MECOM: variants seen among roughly 807,000 people sequenced by gnomAD.
MECOM encodes the protein histone-lysine N-methyltransferase MECOM.
Under a neutral mutation model 116.3 loss-of-function variants are expected in MECOM, and 13 were observed. That is an observed-to-expected ratio of 0.11 (90% CI 0.07 to 0.18). The LOEUF is 0.18. Ranked by LOEUF, MECOM falls within the 10% of genes least tolerant of loss-of-function variation. The probability of loss-of-function intolerance (pLI) is 1.00; values close to 1 mark genes in which losing one functional copy is unlikely to be tolerated. For missense variants in MECOM, 1,299 were observed against 1,509.0 expected (o/e 0.86, Z 2.31); for synonymous variants, 528 against 535.2 (o/e 0.99, Z 0.19).
chr3:169,404,321 T>A (rs987302353), intron 1 of MECOM, among the ~76,000 whole-genome samples: 1 of 152,032 alleles, frequency 6.6e-6, no homozygotes, highest in African/African-American at 2.4e-5. Flanking sequence ...AAGTCTTGCC[T>A]AATTTGAAAT....
chr3:169,594,008 C>A lies in MECOM; in HGVS notation c.37+69328G>T, dbSNP rs537365325. On this transcript the variant is annotated intron_variant, in intron 1 of 16. Coordinates refer to ENST00000651503, the MANE Select transcript of MECOM (RefSeq NM_004991.4). ...TGGTGGTGCACGCCTGTAGTCCCAG[C>A]TACTCAGGAGGCTGAGGCAGGAGAA... 4.8e-4 allele frequency among the ~76,000 whole-genome samples: 73 copies of A among 151,996 alleles called. 1 individual carries two copies. The South Asian group carries it at 0.015, about 31-fold the overall frequency.
chr3:169,564,009 A>G (rs1762946213), intron 1 of MECOM, among the ~76,000 whole-genome samples: 1 of 152,222 alleles, frequency 6.6e-6, no homozygotes, highest in Non-Finnish European at 1.5e-5. Context: ...AATGGCTACC[A>G]TAATATATAG....
At chr3:169,644,392 A>T (rs1191517402) in intron 1 of MECOM, among the ~76,000 whole-genome samples, 1 of 151,908 alleles carries the variant, frequency 6.6e-6, no homozygotes, top group Non-Finnish European at 1.5e-5. Flanking sequence ...GAGTAGCTGG[A>T]ATTACAGGCA....
In MECOM at chr3:169,378,536, AAG is replaced by A. The variant is rs377739152; in HGVS notation, c.375+2649_375+2650del. 2.2e-4 allele frequency among the ~76,000 whole-genome samples: 24 copies of A among 110,984 alleles called. 3 individuals carry two copies. Among genetic ancestry groups the A allele is most frequent in the African/African-American group, 7.4e-4 (19 of 25,512 alleles). The allele number at this position is 110,984 out of a possible 152,430, so 72.8% of individuals were successfully genotyped here. ...AAGAAAAGAAAGAAAGAAAGAAAGAAAGAAAGAAAGAAAGAAAGAAAGAAAGA... is the reference window on the plus strand; with the variant it reads ...AAGAAAAGAAAGAAAGAAAGAAAGAAAAAGAAAGAAAGAAAGAAAGAAAGA... On this transcript the variant is annotated intron_variant, in intron 2 of 16. Transcript: ENST00000651503.
intron 2 of MECOM, among the ~76,000 whole-genome samples, chr3:169,301,171 A>T (rs777537978): frequency 9.2e-5 from 14 of 152,210 alleles, no homozygotes; most frequent in Middle Eastern, 3.2e-3. Context: ...CAATGTTATG[A>T]TTATTCTCTG....
intron 1 of MECOM, among the ~76,000 whole-genome samples, chr3:169,479,530 TCA>T (rs755695684): frequency 6.6e-6 from 1 of 151,772 alleles, no homozygotes; most frequent in Non-Finnish European, 1.5e-5. Flanking sequence ...ATTACGGCCT[TCA>T]CATGCCTCTG....
chr3:169,232,727 T>C (rs1351391937), intron 2 of MECOM, among the ~76,000 whole-genome samples: 1 of 152,060 alleles, frequency 6.6e-6, no homozygotes, highest in African/African-American at 2.4e-5. Context: ...AAAATGAGAA[T>C]TTTTTAAAGT....
intron 2 of MECOM, among the ~76,000 whole-genome samples, chr3:169,380,565 T>G (rs1046134743): frequency 2.0e-5 from 3 of 152,142 alleles, no homozygotes; most frequent in Non-Finnish European, 4.4e-5. Flanking sequence ...TGACTAATTT[T>G]CACAACCATT....
chr3:169,518,669 T>C (rs1756996176), intron 1 of MECOM, among the ~76,000 whole-genome samples: 1 of 152,204 alleles, frequency 6.6e-6, no homozygotes, highest in Admixed American at 6.5e-5. Context: ...TAAGAATAGC[T>C]CTAATATGGT....
intron 1 of MECOM, among the ~76,000 whole-genome samples, chr3:169,529,261 G>A (rs113150910): frequency 1.5e-4 from 12 of 77,946 alleles, no homozygotes; most frequent in Admixed American, 1.3e-3. Context: ...CCTACCAGCT[G>A]TGCAACCTTG....
chr3:169,392,594 A>G lies in MECOM; in HGVS notation c.38-11070T>C, dbSNP rs1734388661. 2.0e-5 allele frequency among the ~76,000 whole-genome samples: 3 copies of G among 152,166 alleles called. No individual in the cohort carries two copies. The South Asian group carries it at 6.2e-4, about 32-fold the overall frequency. ...GAATAAGATAAAATGTCTGCCCTCA[A>G]GTAGCTTAAAGTTCAGTAGTGAAGA... On this transcript the variant is annotated intron_variant, in intron 1 of 16. Coordinates refer to ENST00000651503, the MANE Select transcript of MECOM (RefSeq NM_004991.4).
chr3:169,260,135 G>A (rs571350900), intron 2 of MECOM, among the ~76,000 whole-genome samples: 1 of 152,194 alleles, frequency 6.6e-6, no homozygotes, highest in South Asian at 2.1e-4. Context: ...GTATTAATAG[G>A]TTCGTGTCCC....
intron 1 of MECOM, among the ~76,000 whole-genome samples, chr3:169,596,626 C>A (rs1223030139): frequency 6.6e-6 from 1 of 151,936 alleles, no homozygotes; most frequent in Non-Finnish European, 1.5e-5. Context: ...AAAATAAATG[C>A]AAGCAGTTTA....
intron 1 of MECOM, among the ~76,000 whole-genome samples, chr3:169,485,978 ATATATAGTATATATATG>A: frequency 8.5e-6 from 1 of 117,834 alleles, no homozygotes; most frequent in Admixed American, 9.5e-5. Context: ...ATATACATAT[ATATATAGTATATATATG>A]TATATATATA....
chr3:169,273,772 C>T (rs1363223159), intron 2 of MECOM, among the ~76,000 whole-genome samples: 2 of 152,112 alleles, frequency 1.3e-5, no homozygotes, highest in Non-Finnish European at 2.9e-5. Context: ...GAAGTTCCTA[C>T]TTACTGGCAA....
chr3:169,393,015 C>CA (rs1734473476), intron 1 of MECOM, among the ~76,000 whole-genome samples: 1 of 152,092 alleles, frequency 6.6e-6, no homozygotes, highest in South Asian at 2.1e-4. Context: ...GAAAACAGCA[C>CA]AGAGTAGTGG....
At chr3:169,616,477 C>T (rs1160338288) in intron 1 of MECOM, among the ~76,000 whole-genome samples, 2 of 152,136 alleles carry the variant, frequency 1.3e-5, no homozygotes, top group Non-Finnish European at 2.9e-5. Context: ...TCCCAAGTAG[C>T]TGGGATTACT....
At chr3:169,170,465 C>A (rs1559947071) in intron 2 of MECOM, among the ~76,000 whole-genome samples, 1 of 151,624 alleles carries the variant, frequency 6.6e-6, no homozygotes, top group Non-Finnish European at 1.5e-5. Context: ...AGAAGCAACC[C>A]TCGAATTACA....
At chr3:169,423,702 C>G (rs148571012) in intron 1 of MECOM, among the ~76,000 whole-genome samples, 1 of 152,184 alleles carries the variant, frequency 6.6e-6, no homozygotes, top group East Asian at 1.9e-4. Context: ...AATATTAACT[C>G]CATCCCATTT....
Sources: allele counts gnomAD v4.1 joint callset (sites outside exome capture counted in the v4.1 genomes callset), GRCh38; gene constraint gnomAD v4.1.1; transcripts MANE v1.5; gene names NCBI Gene and HGNC (gene_info 2026-07-23, HGNC 2026-07-21).